The following CAMKMT variants were observed in gnomAD, a reference collection of about 807,000 sequenced individuals.
The protein encoded by CAMKMT is calmodulin-lysine N-methyltransferase, also known as CaM KMT.
Under a neutral mutation model 48.0 loss-of-function variants are expected in CAMKMT, and 53 were observed. The observed-to-expected ratio is 1.10, with a 90% CI of 0.89 to 1.39. The LOEUF (loss-of-function observed/expected upper bound fraction) is 1.39, where lower values mean the gene tolerates loss of function less well. Ranked by LOEUF, CAMKMT falls within the 40% of genes most tolerant of loss-of-function variation. The pLI, the probability that CAMKMT is intolerant of heterozygous loss-of-function variation, is 0.00. For synonymous variants in CAMKMT, 165 were observed against 152.3 expected, an observed-to-expected ratio of 1.08 and a Z score of -0.61; for missense variants, 428 against 402.7, an observed-to-expected ratio of 1.06 and a Z score of -0.54.
At chr2:44,429,205 C>G (rs1356901165) in intron 3 of CAMKMT, among the ~76,000 whole-genome samples, 1 of 151,710 alleles carries the variant, frequency 6.6e-6, no homozygotes, top group East Asian at 1.9e-4. Flanking sequence ...GTGAAGCTGA[C>G]TTTGAAGCAA....
At chr2:44,430,776 G>A (rs1684601371) in intron 3 of CAMKMT, among the ~76,000 whole-genome samples, 1 of 152,090 alleles carries the variant, frequency 6.6e-6, no homozygotes, top group South Asian at 2.1e-4. Context: ...ACTGTTAAAA[G>A]TAAATGACCA....
chr2:44,767,135 A>G (rs1680875533), intron 10 of CAMKMT, among the ~76,000 whole-genome samples: 1 of 152,246 alleles, frequency 6.6e-6, no homozygotes. Context: ...ACATAAAGCA[A>G]TGTTATCAGC....
At chr2:44,693,832 G>T (rs1315622272) in intron 3 of CAMKMT, among the ~76,000 whole-genome samples, 1 of 152,192 alleles carries the variant, frequency 6.6e-6, no homozygotes, top group Non-Finnish European at 1.5e-5. Flanking sequence ...CTTCCAGAAG[G>T]TTTGATGGCT....
At chr2:44,574,657 C>CA (rs1669107839) in intron 3 of CAMKMT, among the ~76,000 whole-genome samples, 2 of 150,758 alleles carry the variant, frequency 1.3e-5, no homozygotes, top group African/African-American at 4.9e-5. Context: ...ACTGAGGTTG[C>CA]GTTGACTTAT....
At chr2:44,662,317 G>A (rs920239882) in intron 3 of CAMKMT, among the ~76,000 whole-genome samples, 1 of 152,148 alleles carries the variant, frequency 6.6e-6, no homozygotes, top group African/African-American at 2.4e-5. Context: ...TTCTGATATT[G>A]AACGACTATA....
At chr2:44,752,629 T>C (rs564935842) in intron 8 of CAMKMT, among the ~76,000 whole-genome samples, 1 of 152,256 alleles carries the variant, frequency 6.6e-6, no homozygotes, top group South Asian at 2.1e-4. Context: ...GGGTCATTGA[T>C]AAAGAACAGA....
chr2:44,751,239 G>A (rs542859506), intron 8 of CAMKMT, among the ~76,000 whole-genome samples: 21 of 152,244 alleles, frequency 1.4e-4, no homozygotes, highest in Admixed American at 5.9e-4. Context: ...GATGACCTCC[G>A]TCTTTTGCCT....
intron 3 of CAMKMT, among the ~76,000 whole-genome samples, chr2:44,419,767 G>A (rs1683803635): frequency 6.6e-6 from 1 of 152,252 alleles, no homozygotes; most frequent in East Asian, 1.9e-4. Context: ...TGAGGTAGGA[G>A]GATCACTTGA....
intron 3 of CAMKMT, among the ~76,000 whole-genome samples, chr2:44,431,534 A>G (rs1684648893): frequency 6.6e-6 from 1 of 152,020 alleles, no homozygotes; most frequent in African/African-American, 2.4e-5. Flanking sequence ...TGACATTTTC[A>G]TTAGTGCAAT....
intron 2 of CAMKMT, among the ~76,000 whole-genome samples, chr2:44,385,086 A>G (rs556421611): frequency 1.7e-4 from 26 of 152,254 alleles, no homozygotes; most frequent in African/African-American, 6.0e-4. Flanking sequence ...GGTCATTTTC[A>G]CCATATTGAT....
chr2:44,724,798 G>A (rs1678688117), intron 7 of CAMKMT, among the ~76,000 whole-genome samples: 2 of 152,188 alleles, frequency 1.3e-5, no homozygotes, highest in Admixed American at 1.3e-4. Flanking sequence ...ACAGCTTTTA[G>A]TTGTTGGGAT....
intron 3 of CAMKMT, among the ~76,000 whole-genome samples, chr2:44,699,476 G>A (rs77095817): frequency 0.02 from 3,120 of 152,236 alleles, 43 homozygotes; most frequent in Non-Finnish European, 0.033. Context: ...CGGAGCAGTA[G>A]GTCTTAGCAG....
intron 3 of CAMKMT, among the ~76,000 whole-genome samples, chr2:44,568,847 T>G (rs1668754831): frequency 6.6e-6 from 1 of 152,156 alleles, no homozygotes; most frequent in South Asian, 2.1e-4. Context: ...TGGAGGCTAG[T>G]GCGGAAGCCC....
chr2:44,437,816 G>A (rs1426305024), intron 3 of CAMKMT, among the ~76,000 whole-genome samples: 1 of 134,680 alleles, frequency 7.4e-6, no homozygotes, highest in African/African-American at 2.7e-5. Context: ...TTTGGCTCAG[G>A]CAACAGAGCA....
chr2:44,757,541 C>A (rs935836423), intron 9 of CAMKMT, among the ~76,000 whole-genome samples: 2 of 149,900 alleles, frequency 1.3e-5, no homozygotes, highest in African/African-American at 4.9e-5. Context: ...GCTCTGGTTA[C>A]TTTGGTAAAT....
chr2:44,640,511 G>C (rs1326006065), intron 3 of CAMKMT, among the ~76,000 whole-genome samples: 1 of 152,092 alleles, frequency 6.6e-6, no homozygotes, highest in Admixed American at 6.5e-5. Flanking sequence ...CTGGCTGTAT[G>C]GTTTGTCCAA....
intron 3 of CAMKMT, among the ~76,000 whole-genome samples, chr2:44,592,356 C>T (rs1011374551): frequency 5.9e-5 from 9 of 151,996 alleles, no homozygotes; most frequent in South Asian, 2.1e-4. Flanking sequence ...AGTTGTCAAA[C>T]TTACTGGCAT....
intron 3 of CAMKMT, among the ~76,000 whole-genome samples, chr2:44,682,052 T>A (rs551754588): frequency 6.6e-6 from 1 of 152,338 alleles, no homozygotes; most frequent in African/African-American, 2.4e-5. Flanking sequence ...GTTAAAAATA[T>A]TAAAAGTCCA....
At chr2:44,410,013 G>A (rs950352493) in intron 3 of CAMKMT, among the ~76,000 whole-genome samples, 1 of 151,924 alleles carries the variant, frequency 6.6e-6, no homozygotes, top group Non-Finnish European at 1.5e-5. Flanking sequence ...AATAACTGCT[G>A]TGGAAGTATA....
Sources: gnomAD v4.1 joint callset for allele counts (sites outside exome capture counted in the v4.1 genomes callset) on GRCh38, gnomAD v4.1.1 for gene constraint, MANE v1.5 for transcripts, NCBI Gene and HGNC (gene_info 2026-07-23, HGNC 2026-07-21) for gene names.